Variants in PRKX observed in about 807,000 individuals in gnomAD.
PRKX encodes the protein cAMP-dependent protein kinase catalytic subunit PRKX.
Under a neutral mutation model 22.0 loss-of-function variants are expected in PRKX, and 12 were observed. The ratio of observed to expected loss-of-function variants is 0.54; its 90% CI spans 0.35 to 0.88. PRKX has a LOEUF of 0.88. Ranked by LOEUF, PRKX falls within the 40% of genes least tolerant of loss-of-function variation. PRKX has a pLI of 0.01. For missense variants in PRKX, 217 were observed against 308.0 expected (o/e 0.70, Z 2.21); for synonymous variants, 134 against 137.7 (o/e 0.97, Z 0.19).
At chrX:3,616,298 G>T (rs1420818746) in intron 6 of PRKX, among the ~76,000 whole-genome samples, 1 of 111,311 alleles carries the variant, frequency 9.0e-6, no homozygotes, top group African/African-American at 3.3e-5. Flanking sequence ...ATGTTAATTT[G>T]CTCCGTAGGA....
At chrX:3,694,336 C>T (rs1198102994) in intron 1 of PRKX, among the ~76,000 whole-genome samples, 6 of 109,688 alleles carry the variant, frequency 5.5e-5, no homozygotes, top group Admixed American at 3.0e-4. Flanking sequence ...TACAGTGAGC[C>T]GAGATGATGC....
At chrX:3,650,332 T>C (rs747242615) in intron 3 of PRKX, among the ~76,000 whole-genome samples, 3,718 of 101,150 alleles carry the variant, frequency 0.037, 59 homozygotes, top group Non-Finnish European at 0.053. Flanking sequence ...CCATCCTGGC[T>C]AACACAGTGA....
chrX:3,647,606 T>A (rs944936847), intron 3 of PRKX, among the ~76,000 whole-genome samples: 3 of 106,592 alleles, frequency 2.8e-5, no homozygotes, highest in Admixed American at 1.0e-4. Flanking sequence ...TTTAAATATA[T>A]AAATTTAATG....
At chrX:3,693,004 T>C (rs374003457) in intron 1 of PRKX, among the ~76,000 whole-genome samples, 2 of 110,955 alleles carry the variant, frequency 1.8e-5, no homozygotes, top group East Asian at 5.7e-4. Flanking sequence ...AAGGAGTCAA[T>C]ATAATAAATG....
chrX:3,605,010 AAGACACAC>A lies in PRKX; in HGVS notation c.*3951_*3958del, dbSNP rs1223100951. The A allele has an allele frequency of 1.9e-5, 1 of 52,254 alleles. No individual in the cohort carries two copies. The highest frequency in any genetic ancestry group is 3.3e-5 in the Non-Finnish European group (1 of 30,563). The allele number at this position is 52,254 out of a possible 1,213,427, so 4.3% of individuals were successfully genotyped here. A position where few individuals can be genotyped will look rare whatever the true frequency, so the allele number is the denominator to read the frequency against. On this transcript the variant is annotated 3_prime_UTR_variant, in exon 9 of 9. Transcript: ENST00000262848. ...GAAAATACAGCCCCTCACCTTCACC[AAGACACAC>A]ACACACACACACACACACACACACA...
intron 2 of PRKX, chrX:3,667,204 T>C (rs1258957117): frequency 9.0e-6 from 1 of 111,657 alleles, no homozygotes; most frequent in Admixed American, 9.6e-5. Context: ...TGATCTGCAG[T>C]CTTTTATTTG....
At chrX:3,650,713 T>C (rs757519704) in intron 3 of PRKX, among the ~76,000 whole-genome samples, 3 of 105,924 alleles carry the variant, frequency 2.8e-5, no homozygotes, top group South Asian at 8.5e-4. Flanking sequence ...ACCAGGTCTC[T>C]ACTAAAAATA....
chrX:3,697,534 A>G (rs1181915774), intron 1 of PRKX, among the ~76,000 whole-genome samples: 1 of 105,961 alleles, frequency 9.4e-6, no homozygotes, highest in Non-Finnish European at 1.9e-5. Flanking sequence ...TTCATTAATC[A>G]CAATGTCCTT....
At position 3,608,151 on chromosome X, in the gene PRKX, G is replaced by C. The variant is rs1171596462; in HGVS notation, c.*818C>G. On this transcript the variant is annotated 3_prime_UTR_variant, in exon 9 of 9. Coordinates refer to ENST00000262848, the MANE Select transcript of PRKX (RefSeq NM_005044.5). ...CCCACCTCAGCCTCCCAAAGTGCTG[G>C]GACTATAGGAACAAGCCACTGCATC... 5.4e-5 allele frequency: 6 copies of C among 110,474 alleles called. No homozygotes were observed. The allele number at this position is 110,474 out of a possible 1,213,427, so 9.1% of individuals were successfully genotyped here. A position where few individuals can be genotyped will look rare whatever the true frequency, so the allele number is the denominator to read the frequency against.
intron 1 of PRKX, among the ~76,000 whole-genome samples, chrX:3,695,599 A>G (rs1221275249): frequency 9.0e-6 from 1 of 110,948 alleles, no homozygotes; most frequent in Non-Finnish European, 1.9e-5. Context: ...TTTTGTAGAG[A>G]TAGGGTCTCC....
At chrX:3,647,036 T>C (rs930788061) in intron 3 of PRKX, among the ~76,000 whole-genome samples, 13 of 110,952 alleles carry the variant, frequency 1.2e-4, no homozygotes, top group African/African-American at 4.3e-4. Context: ...CGTTAAATAC[T>C]CAAAGTAAGA....
intron 1 of PRKX, among the ~76,000 whole-genome samples, chrX:3,689,802 C>T (rs940358649): frequency 7.2e-5 from 8 of 111,213 alleles, no homozygotes; most frequent in Admixed American, 2.9e-4. Flanking sequence ...ACGGTGAAAC[C>T]CTGTCTCCAC....
chrX:3,610,880 C>A (rs754093929), intron 8 of PRKX: 1 of 111,224 alleles, frequency 9.0e-6, no homozygotes, highest in South Asian at 3.9e-4. Flanking sequence ...ATGTTATGGG[C>A]GAGTCAGCTA....
chrX:3,685,867 G>T (rs1928168490), intron 1 of PRKX, among the ~76,000 whole-genome samples: 1 of 112,042 alleles, frequency 8.9e-6, no homozygotes, highest in Non-Finnish European at 1.9e-5. Flanking sequence ...GCAACATGGT[G>T]AAACCCTGTC....
intron 1 of PRKX, among the ~76,000 whole-genome samples, chrX:3,695,921 C>G (rs1928434338): frequency 9.0e-6 from 1 of 111,717 alleles, no homozygotes; most frequent in African/African-American, 3.3e-5. Context: ...ACCCCGCTGT[C>G]TTCTGTAGCT....
chrX:3,685,400 T>C (rs1928158295), intron 1 of PRKX, among the ~76,000 whole-genome samples: 2 of 110,467 alleles, frequency 1.8e-5, no homozygotes, highest in African/African-American at 6.6e-5. Context: ...AGAGGCGTCA[T>C]CCCATCACGG....
chrX:3,704,403 G>A (rs1348894770), intron 1 of PRKX, among the ~76,000 whole-genome samples: 1 of 111,901 alleles, frequency 8.9e-6, no homozygotes. Context: ...GGTGGCTCAC[G>A]CCTGTAATCC....
At chrX:3,619,696 T>C (rs1926514616) in intron 6 of PRKX, among the ~76,000 whole-genome samples, 1 of 111,628 alleles carries the variant, frequency 9.0e-6, no homozygotes, top group Non-Finnish European at 1.9e-5. Flanking sequence ...CTGAGACACC[T>C]TGATCTCAGA....
intron 1 of PRKX, among the ~76,000 whole-genome samples, chrX:3,700,804 G>T (rs1928550936): frequency 9.1e-6 from 1 of 110,364 alleles, no homozygotes; most frequent in African/African-American, 3.3e-5. Flanking sequence ...TGTTGCCGAG[G>T]CTAGAGGCTA....
Sources: gnomAD v4.1 joint callset for allele counts (sites outside exome capture counted in the v4.1 genomes callset) on GRCh38, gnomAD v4.1.1 for gene constraint, MANE v1.5 for transcripts, NCBI Gene and HGNC (gene_info 2026-07-23, HGNC 2026-07-21) for gene names.